Variants in MTMR10 observed in about 807,000 individuals in gnomAD.
MTMR10 encodes myotubularin related protein 10, also known as myotubularin-related protein 10.
Under a neutral mutation model 88.1 loss-of-function variants are expected in MTMR10, and 56 were observed. The ratio of observed to expected loss-of-function variants is 0.64; its 90% CI spans 0.51 to 0.79. MTMR10 has a LOEUF of 0.79. Among genes scored for constraint, MTMR10 ranks in the 30% least tolerant of loss-of-function variants. MTMR10 has a pLI of 0.00. For missense variants in MTMR10, 883 were observed against 924.7 expected (o/e 0.95, Z 0.58); for synonymous variants, 380 against 340.9 (o/e 1.11, Z -1.26).
At chr15:30,966,779 A>C (rs1260876783) in intron 6 of MTMR10, among the ~76,000 whole-genome samples, 2 of 152,054 alleles carry the variant, frequency 1.3e-5, no homozygotes, top group Non-Finnish European at 2.9e-5. Context: ...TTTGTTATAC[A>C]ATTTCTATAA....
At chr15:30,956,586 G>A (rs1441393263) in intron 9 of MTMR10, among the ~76,000 whole-genome samples, 1 of 152,220 alleles carries the variant, frequency 6.6e-6, no homozygotes, top group African/African-American at 2.4e-5. Context: ...CCCTGTGGCA[G>A]GTAACAAGCA....
At chr15:30,989,880 C>T (rs1457863121) in intron 2 of MTMR10, among the ~76,000 whole-genome samples, 1 of 152,058 alleles carries the variant, frequency 6.6e-6, no homozygotes, top group African/African-American at 2.4e-5. Flanking sequence ...CCACCGTGCC[C>T]GGCCGATTTC....
chr15:30,962,135 C>A (rs2063410244), intron 6 of MTMR10, among the ~76,000 whole-genome samples: 1 of 152,186 alleles, frequency 6.6e-6, no homozygotes, highest in South Asian at 2.1e-4. Flanking sequence ...AAGATTACAG[C>A]AGGGCAGGCC....
At chr15:30,924,573 C>T in the MTMR10 span, among the ~76,000 whole-genome samples, 1 of 152,280 alleles carries the variant, frequency 6.6e-6, no homozygotes, top group South Asian at 2.1e-4. Flanking sequence ...GTTTATTTGT[C>T]TGACTCTGAA....
intron 9 of MTMR10, among the ~76,000 whole-genome samples, chr15:30,956,550 T>C (rs969301038): frequency 2.0e-5 from 3 of 152,188 alleles, no homozygotes; most frequent in African/African-American, 7.2e-5. Flanking sequence ...GAAAATGTTC[T>C]AGGCAGAGGG....
At position 30,975,071 on chromosome 15, in the gene MTMR10, A is replaced by G; in HGVS notation, c.259-68T>C. The G allele has an allele frequency of 5.1e-6, 6 of 1,187,188 alleles. No homozygotes were observed. In the South Asian group the frequency reaches 8.8e-5, roughly 17 times the overall value. The allele number at this position is 1,187,188 out of a possible 1,614,324, so 73.5% of individuals were successfully genotyped here. A position where few individuals can be genotyped will look rare whatever the true frequency, so the allele number is the denominator to read the frequency against. ...ATCTCACAATGGTAGTATAAGCCTT[A>G]AACTGTGATGATAAACTGTGACAGT... On this transcript the variant is annotated intron_variant, in intron 3 of 15. Transcript: ENST00000435680.
At chr15:30,938,120 C>CTT (rs1351443997), downstream of MTMR10, among the ~76,000 whole-genome samples, 5 of 151,464 alleles carry the variant, frequency 3.3e-5, no homozygotes, top group Admixed American at 2.6e-4. Context: ...GGAGGTGGAG[C>CTT]TTGCAGTGAG....
At chr15:30,925,260 T>A in the MTMR10 span, 1 of 1,614,078 alleles carries the variant, frequency 6.2e-7, no homozygotes, top group Middle Eastern at 1.6e-4. Flanking sequence ...TTCCAGCAGC[T>A]CCCAGAAATG....
At chr15:30,972,885 T>G (rs920393936) in intron 5 of MTMR10, among the ~76,000 whole-genome samples, 1 of 152,170 alleles carries the variant, frequency 6.6e-6, no homozygotes, top group Non-Finnish European at 1.5e-5. Flanking sequence ...AGAGGGAGAA[T>G]TGAACTTTCC....
In MTMR10 at chr15:30,946,946, T is replaced by C. The variant is rs188498231; in HGVS notation, c.1548+184A>G. ...ATTAGAGTAAAACAAAAAATGTTCA[T>C]TCATAAAAATAATTTCCTAGATTTT... On this transcript the variant is annotated intron_variant, in intron 14 of 15. Transcript: ENST00000435680. 607 of 779,094 alleles carry C rather than the reference T, an allele frequency of 7.8e-4. 2 individuals carry two copies. In the African/African-American group the frequency reaches 9.3e-3, roughly 12 times the overall value. The allele number at this position is 779,094 out of a possible 1,614,324, so 48.3% of individuals were successfully genotyped here.
chr15:30,963,056 C>CTCTA (rs1220498178), intron 6 of MTMR10, among the ~76,000 whole-genome samples: 5 of 152,138 alleles, frequency 3.3e-5, no homozygotes, highest in Non-Finnish European at 1.5e-5. Context: ...AGGGCCTAGA[C>CTCTA]TCTAGTATGT....
chr15:30,943,540 A>G (rs1282924311), intron 14 of MTMR10: 9 of 985,358 alleles, frequency 9.1e-6, no homozygotes, highest in Non-Finnish European at 9.6e-6. Context: ...GTGGGGAGCT[A>G]CACTTCACTG....
At chr15:30,955,462 G>A (rs932569642) in intron 9 of MTMR10, among the ~76,000 whole-genome samples, 1 of 152,144 alleles carries the variant, frequency 6.6e-6, no homozygotes, top group East Asian at 1.9e-4. Context: ...AGTAGAGGCG[G>A]GGTTTCACCA....
chr15:30,988,407 G>A (rs974985627), intron 2 of MTMR10, among the ~76,000 whole-genome samples: 2 of 152,294 alleles, frequency 1.3e-5, no homozygotes, highest in East Asian at 1.9e-4. Context: ...TGATTTGGCC[G>A]CCAATGCAAT....
At chr15:30,920,706 A>G in the MTMR10 span, 1 of 1,033,738 alleles carries the variant, frequency 9.7e-7, no homozygotes, top group Non-Finnish European at 1.5e-6. Flanking sequence ...GGCGTTAAAC[A>G]TGTGAAGGGA....
rs540736361 is a variant in MTMR10, at chr15:30,986,228, G to C, written c.121+4549C>G. ...GCTACTTGGGAGGCTGAGCTGTGAG[G>C]ATCACTCGAGCCCAGGAGGTTGAAG... On this transcript the variant is annotated intron_variant, in intron 2 of 15. Coordinates refer to ENST00000435680, the MANE Select transcript of MTMR10 (RefSeq NM_017762.3). 6.6e-5 allele frequency among the ~76,000 whole-genome samples: 10 copies of C among 152,064 alleles called. 1 individual carries two copies. Among genetic ancestry groups the C allele is most frequent in the African/African-American group, 1.9e-4 (8 of 41,492 alleles).
intron 6 of MTMR10, among the ~76,000 whole-genome samples, chr15:30,964,269 G>A (rs2063446436): frequency 6.6e-6 from 1 of 152,202 alleles, no homozygotes. Flanking sequence ...TGGTGACTGA[G>A]TCCAGCAGCA....
At chr15:30,922,243 C>T in the MTMR10 span, 1 of 1,606,592 alleles carries the variant, frequency 6.2e-7, no homozygotes. Flanking sequence ...AGGAAGCCGT[C>T]AGAGAACTTG....
At chr15:30,938,300 GT>G (rs1245849403), downstream of MTMR10, among the ~76,000 whole-genome samples, 1 of 152,156 alleles carries the variant, frequency 6.6e-6, no homozygotes, top group Non-Finnish European at 1.5e-5. Flanking sequence ...ACATTTAGCT[GT>G]TAAACTTTTA....
Sources: allele counts gnomAD v4.1 joint callset (sites outside exome capture counted in the v4.1 genomes callset), GRCh38; gene constraint gnomAD v4.1.1; transcripts MANE v1.5; gene names NCBI Gene and HGNC (gene_info 2026-07-23, HGNC 2026-07-21).